NIBAN1: variants seen among roughly 807,000 people sequenced by gnomAD.
NIBAN1 encodes niban apoptosis regulator 1, also known as protein Niban 1.
Under a neutral mutation model 75.1 loss-of-function variants are expected in NIBAN1, and 81 were observed. The ratio of observed to expected loss-of-function variants is 1.08; its 90% CI spans 0.90 to 1.30. The LOEUF is 1.30. Among genes scored for constraint, NIBAN1 ranks in the 50% most tolerant of loss-of-function variants. NIBAN1 has a pLI of 0.00. For missense variants in NIBAN1, 1,133 were observed against 1,128.1 expected, an observed-to-expected ratio of 1.00 and a Z score of -0.06; for synonymous variants, 436 against 424.8, an observed-to-expected ratio of 1.03 and a Z score of -0.32.
intron 1 of NIBAN1, among the ~76,000 whole-genome samples, chr1:184,933,158 C>T (rs1657869552): frequency 6.6e-6 from 1 of 152,166 alleles, no homozygotes; most frequent in Non-Finnish European, 1.5e-5. Flanking sequence ...AGTAGACTGC[C>T]ATTCTGACAG....
At chr1:184,888,759 TAG>T (rs1427076577) in intron 4 of NIBAN1, among the ~76,000 whole-genome samples, 1 of 152,238 alleles carries the variant, frequency 6.6e-6, no homozygotes, top group African/African-American at 2.4e-5. Flanking sequence ...TGGAAAGTTT[TAG>T]AGAGATTTGG....
chr1:184,884,947 G>T, intron 4 of NIBAN1, 147 bp from the exon 5 acceptor site: 2 of 1,033,592 alleles, frequency 1.9e-6, no homozygotes, highest in Non-Finnish European at 2.7e-6. Context: ...GAAACTGGGA[G>T]CACTGGCTCC....
chr1:184,912,116 G>GT (rs1054407685), intron 1 of NIBAN1, among the ~76,000 whole-genome samples: 1 of 151,752 alleles, frequency 6.6e-6, no homozygotes. Flanking sequence ...TCTGCAGCTT[G>GT]TTTTTTTCAC....
intron 1 of NIBAN1, among the ~76,000 whole-genome samples, chr1:184,903,485 T>C (rs1205075441): frequency 2.0e-5 from 3 of 152,308 alleles, no homozygotes; most frequent in African/African-American, 7.2e-5. Flanking sequence ...GGATCTCTCA[T>C]TAATGGCTTA....
chr1:184,856,933 G>A (rs143013678), intron 5 of NIBAN1, among the ~76,000 whole-genome samples: 1 of 152,310 alleles, frequency 6.6e-6, no homozygotes, highest in East Asian at 1.9e-4. Context: ...GAGCTAAGTA[G>A]ACATGGGTGG....
At position 184,961,981 on chromosome 1, in the gene NIBAN1, G is replaced by A. The variant is rs1658662637; in HGVS notation, c.55+12321C>T. 2.0e-5 allele frequency among the ~76,000 whole-genome samples: 3 copies of A among 152,320 alleles called. No individual in the cohort carries two copies. The East Asian group carries it at 5.8e-4, about 29-fold the overall frequency. Reference sequence around the variant, plus strand: ...AGCTGGCTTTTGGTGATATCACTGAGCCACTTAATTAATCCTATCTTCATA... The same window carrying A: ...AGCTGGCTTTTGGTGATATCACTGAACCACTTAATTAATCCTATCTTCATA... On this transcript the variant is annotated intron_variant, in intron 1 of 13. Coordinates refer to ENST00000367511, the MANE Select transcript of NIBAN1 (RefSeq NM_052966.4).
intron 10 of NIBAN1, among the ~76,000 whole-genome samples, chr1:184,807,510 G>A (rs528318860): frequency 1.3e-5 from 2 of 152,238 alleles, no homozygotes; most frequent in South Asian, 4.1e-4. Context: ...CATATAGGCT[G>A]GGTGTGGTGG....
At chr1:184,883,226 C>CT (rs1388755652) in intron 5 of NIBAN1, among the ~76,000 whole-genome samples, 1 of 152,192 alleles carries the variant, frequency 6.6e-6, no homozygotes, top group Non-Finnish European at 1.5e-5. Context: ...ATACAGGACT[C>CT]CCCTGGAGAG....
chr1:184,945,132 G>A (rs768565919), intron 1 of NIBAN1, among the ~76,000 whole-genome samples: 6 of 152,222 alleles, frequency 3.9e-5, no homozygotes, highest in Admixed American at 1.3e-4. Flanking sequence ...CTTCTACTGC[G>A]TTTGATTGGA....
At chr1:184,833,975 A>G (rs988765100) in intron 5 of NIBAN1, among the ~76,000 whole-genome samples, 1 of 151,804 alleles carries the variant, frequency 6.6e-6, no homozygotes, top group Non-Finnish European at 1.5e-5. Flanking sequence ...CATTATTTAC[A>G]TTAGGTATTT....
chr1:184,921,922 T>A (rs76326960), intron 1 of NIBAN1, among the ~76,000 whole-genome samples: 156 of 152,318 alleles, frequency 1.0e-3, no homozygotes, highest in African/African-American at 3.4e-3. Flanking sequence ...TAATACCAAT[T>A]GGGGCTTATC....
intron 6 of NIBAN1, among the ~76,000 whole-genome samples, chr1:184,824,751 A>G (rs1427740329): frequency 2.0e-5 from 3 of 152,184 alleles, no homozygotes; most frequent in South Asian, 2.1e-4. Flanking sequence ...TCTTAAAGCT[A>G]TGTTATTATT....
At chr1:184,943,438 CATTTCTTAGAGAAGA>C (rs1299227606) in intron 1 of NIBAN1, among the ~76,000 whole-genome samples, 1 of 152,128 alleles carries the variant, frequency 6.6e-6, no homozygotes, top group African/African-American at 2.4e-5. Context: ...GCACCAATGC[CATTTCTTAGAGAAGA>C]ATTTCTATTT....
intron 5 of NIBAN1, among the ~76,000 whole-genome samples, chr1:184,851,985 C>T (rs1199530504): frequency 6.6e-6 from 1 of 152,108 alleles, no homozygotes. Flanking sequence ...GCACGCGCCA[C>T]AGTCCCACCA....
chr1:184,813,441 C>T (rs999154899), intron 9 of NIBAN1, among the ~76,000 whole-genome samples: 3 of 152,182 alleles, frequency 2.0e-5, no homozygotes, highest in African/African-American at 7.2e-5. Flanking sequence ...GGTTTGCTAA[C>T]TGCTTTGACT....
chr1:184,883,027 C>T (rs1465985240), intron 5 of NIBAN1, among the ~76,000 whole-genome samples: 2 of 152,072 alleles, frequency 1.3e-5, no homozygotes. Context: ...TATCTTTTTC[C>T]GTGAGTCCCC....
At chr1:184,947,880 C>A (rs572348989) in intron 1 of NIBAN1, among the ~76,000 whole-genome samples, 1 of 152,218 alleles carries the variant, frequency 6.6e-6, no homozygotes, top group South Asian at 2.1e-4. Flanking sequence ...AGCTGCTTAC[C>A]CCCTTGGTAA....
At chr1:184,861,890 A>C (rs929911288) in intron 5 of NIBAN1, among the ~76,000 whole-genome samples, 1 of 152,170 alleles carries the variant, frequency 6.6e-6, no homozygotes, top group African/African-American at 2.4e-5. Flanking sequence ...AAGTGGAATT[A>C]GTGTGCTCCA....
intron 5 of NIBAN1, among the ~76,000 whole-genome samples, chr1:184,838,889 A>T (rs183231793): frequency 6.6e-6 from 1 of 152,334 alleles, no homozygotes; most frequent in East Asian, 1.9e-4. Flanking sequence ...TGTGAAAGTT[A>T]TGTAACAGCA....
Sources: allele counts gnomAD v4.1 joint callset (sites outside exome capture counted in the v4.1 genomes callset), GRCh38; gene constraint gnomAD v4.1.1; transcripts MANE v1.5; gene names NCBI Gene and HGNC (gene_info 2026-07-23, HGNC 2026-07-21).